GPR63: variants seen among roughly 807,000 people sequenced by gnomAD.
GPR63 encodes the protein G protein-coupled receptor 63.
Under a neutral mutation model 23.1 loss-of-function variants are expected in GPR63, and 12 were observed. The observed-to-expected ratio is 0.52, with a 90% CI of 0.33 to 0.84. GPR63 has a LOEUF of 0.84. Among genes scored for constraint, GPR63 ranks in the 40% least tolerant of loss-of-function variants. The pLI is 0.02. For synonymous variants in GPR63, 172 were observed against 191.1 expected, an observed-to-expected ratio of 0.90 and a Z score of 0.82; for missense variants, 472 against 515.6, an observed-to-expected ratio of 0.92 and a Z score of 0.82.
At chr6:96,810,828 T>TAA (rs1358330343) in intron 1 of GPR63, among the ~76,000 whole-genome samples, 1 of 152,116 alleles carries the variant, frequency 6.6e-6, no homozygotes, top group Non-Finnish European at 1.5e-5. Flanking sequence ...CCCATACACT[T>TAA]ACAGTTTTGT....
intron 1 of GPR63, among the ~76,000 whole-genome samples, chr6:96,834,391 A>G (rs899416421): frequency 6.6e-6 from 1 of 152,200 alleles, no homozygotes; most frequent in Non-Finnish European, 1.5e-5. Context: ...AATTGAAACT[A>G]TAACTGACCA....
At chr6:96,816,668 C>T (rs1224349957) in intron 1 of GPR63, among the ~76,000 whole-genome samples, 1 of 152,082 alleles carries the variant, frequency 6.6e-6, no homozygotes, top group Non-Finnish European at 1.5e-5. Context: ...CTCAAGGCAG[C>T]TGAGAAACCG....
rs1773537645 is a variant in GPR63 at position 96,794,655 on chromosome 6, C to A, written c.*3817G>T. 6.6e-6 allele frequency: 1 copy of A among 152,112 alleles called. No individual in the cohort carries two copies. Among genetic ancestry groups the A allele is most frequent in the South Asian group, 2.1e-4 (1 of 4,832 alleles). 9.4% of individuals were successfully genotyped at this position (152,112 alleles called of 1,614,324 possible). A position where few individuals can be genotyped will look rare whatever the true frequency, so the allele number is the denominator to read the frequency against. ...ATTTTACTTCAATGCTTGCATTGAACACAACTGGCAGAGCAATAGGAATTA... is the reference window on the plus strand; with the variant it reads ...ATTTTACTTCAATGCTTGCATTGAAAACAACTGGCAGAGCAATAGGAATTA... On this transcript the variant is annotated 3_prime_UTR_variant, in exon 2 of 2. Transcript: ENST00000229955.
chr6:96,836,827 C>T (rs577416463), intron 1 of GPR63, among the ~76,000 whole-genome samples: 68 of 152,170 alleles, frequency 4.5e-4, no homozygotes, highest in Admixed American at 6.5e-4. Flanking sequence ...AATTTCAGCC[C>T]TCAAGCAGCG....
At chr6:96,819,722 G>GT (rs1234193769) in intron 1 of GPR63, among the ~76,000 whole-genome samples, 1 of 143,228 alleles carries the variant, frequency 7.0e-6, no homozygotes, top group Non-Finnish European at 1.5e-5. Context: ...CAACTAAATT[G>GT]CCAAAAAAAA....
rs368120817 is a variant in GPR63 at position 96,816,750 on chromosome 6, C to G, written c.-150-16869G>C. On this transcript the variant is annotated intron_variant, in intron 1 of 1. Coordinates refer to ENST00000229955, the MANE Select transcript of GPR63 (RefSeq NM_030784.4). ...CTTGAAAGTCTGGTAAAAGAGGCAG[C>G]TGAAATGCTGGGAAGCTAAGCAGAG... Among the ~76,000 whole-genome samples, 3 of 152,192 alleles carry G rather than the reference C, an allele frequency of 2.0e-5. No individual in the cohort carries two copies. In the South Asian group the frequency reaches 6.2e-4, roughly 32 times the overall value.
At chr6:96,830,299 A>G (rs1774547438) in intron 1 of GPR63, among the ~76,000 whole-genome samples, 1 of 152,200 alleles carries the variant, frequency 6.6e-6, no homozygotes, top group Non-Finnish European at 1.5e-5. Context: ...AACATGGCAA[A>G]ATCAGTTTCT....
chr6:96,808,246 GC>G (rs1260705383), intron 1 of GPR63, among the ~76,000 whole-genome samples: 18 of 152,062 alleles, frequency 1.2e-4, no homozygotes, highest in Non-Finnish European at 2.6e-4. Context: ...GTCTAGGTCT[GC>G]CAAAAATATA....
intron 1 of GPR63, among the ~76,000 whole-genome samples, chr6:96,809,691 A>G (rs1773990469): frequency 6.6e-6 from 1 of 152,218 alleles, no homozygotes; most frequent in Non-Finnish European, 1.5e-5. Flanking sequence ...TGTCATCTAA[A>G]TATGGCCAAC....
At position 96,820,185 on chromosome 6, in the gene GPR63, TA is replaced by T. The variant is rs200473492; in HGVS notation, c.-151+17082del. Among the ~76,000 whole-genome samples, 5 of 151,830 alleles carry T rather than the reference TA, an allele frequency of 3.3e-5. No individual in the cohort carries two copies. The East Asian group carries it at 9.7e-4, about 29-fold the overall frequency. On this transcript the variant is annotated intron_variant, in intron 1 of 1. Transcript: ENST00000229955. ...TTCAATGATCATAAAACATATTCCT[TA>T]AAAAAAACTCTGTTCCTTAGGAAAT... is the stretch of plus-strand genomic sequence containing the variant.
At chr6:96,831,090 A>T (rs2127961270) in intron 1 of GPR63, among the ~76,000 whole-genome samples, 1 of 152,356 alleles carries the variant, frequency 6.6e-6, no homozygotes, top group South Asian at 2.1e-4. Context: ...GTTGGCAGCA[A>T]AGTGCAGAAA....
intron 1 of GPR63, among the ~76,000 whole-genome samples, chr6:96,810,364 C>T (rs937546350): frequency 2.0e-5 from 3 of 152,028 alleles, no homozygotes; most frequent in South Asian, 4.2e-4. Context: ...GGTGTGGTGG[C>T]GTGTGCCTCT....
At chr6:96,830,393 C>T (rs1774550343) in intron 1 of GPR63, among the ~76,000 whole-genome samples, 1 of 152,092 alleles carries the variant, frequency 6.6e-6, no homozygotes, top group Non-Finnish European at 1.5e-5. Context: ...CCTATCCATG[C>T]CTGTTACATT....
chr6:96,802,828 C>T (rs1773806335), intron 1 of GPR63, among the ~76,000 whole-genome samples: 1 of 151,684 alleles, frequency 6.6e-6, no homozygotes, highest in African/African-American at 2.4e-5. Context: ...GAAACCAGAA[C>T]AGAGAACAAT....
intron 1 of GPR63, among the ~76,000 whole-genome samples, chr6:96,803,394 T>C (rs1773820506): frequency 6.6e-6 from 1 of 152,244 alleles, no homozygotes; most frequent in Non-Finnish European, 1.5e-5. Context: ...GCCTATTAGA[T>C]ATAAATTGTC....
intron 1 of GPR63, among the ~76,000 whole-genome samples, chr6:96,821,233 G>A (rs908205619): frequency 6.6e-6 from 1 of 152,178 alleles, no homozygotes; most frequent in Non-Finnish European, 1.5e-5. Flanking sequence ...CAATACATAC[G>A]CACTAGCAGT....
intron 1 of GPR63, among the ~76,000 whole-genome samples, chr6:96,824,519 A>T (rs949695453): frequency 6.6e-6 from 1 of 151,208 alleles, no homozygotes. Flanking sequence ...CATAATTATC[A>T]TTCTAAATTC....
intron 1 of GPR63, among the ~76,000 whole-genome samples, chr6:96,817,910 G>T (rs960936433): frequency 6.6e-6 from 1 of 150,482 alleles, no homozygotes; most frequent in Non-Finnish European, 1.5e-5. Context: ...AACTGTGCCC[G>T]TATGATTGGT....
rs564614754 is a variant in GPR63, at chr6:96,824,404, A to T, written c.-151+12864T>A. Among the ~76,000 whole-genome samples, 14 of 151,946 alleles carry T rather than the reference A, an allele frequency of 9.2e-5. No homozygotes were observed. In the South Asian group the frequency reaches 2.7e-3, roughly 29 times the overall value. ...GCAGAATTCATCTAAACAAAATCTA[A>T]CTCCTCTAAAACAATCCCATTTCTA... On this transcript the variant is annotated intron_variant, in intron 1 of 1. Transcript: ENST00000229955.
Sources: gnomAD v4.1 joint callset for allele counts (sites outside exome capture counted in the v4.1 genomes callset) on GRCh38, gnomAD v4.1.1 for gene constraint, MANE v1.5 for transcripts, NCBI Gene and HGNC (gene_info 2026-07-23, HGNC 2026-07-21) for gene names.